Variants in RALYL observed in about 807,000 individuals in gnomAD.
The protein encoded by RALYL is RALY RNA binding protein like.
Under a neutral mutation model 35.1 loss-of-function variants are expected in RALYL, and 29 were observed. That is an observed-to-expected ratio of 0.83 (90% confidence interval 0.61 to 1.13). The LOEUF (loss-of-function observed/expected upper bound fraction) is 1.13, where lower values mean the gene tolerates loss of function less well. Among genes scored for constraint, RALYL ranks in the 50% most tolerant of loss-of-function variants. The pLI is 0.00. For missense variants in RALYL, 359 were observed against 360.4 expected (o/e 1.00, Z 0.03); for synonymous variants, 120 against 127.6 (o/e 0.94, Z 0.40).
At chr8:84,649,643 TCTGTTTTGGTACCAGTACCATG>T in intron 2 of RALYL, among the ~76,000 whole-genome samples, 1 of 152,218 alleles carries the variant, frequency 6.6e-6, no homozygotes, top group East Asian at 1.9e-4. Context: ...GATCTATATC[TCTGTTTTGGTACCAGTACCATG>T]CTGTTTTGGT....
intron 4 of RALYL, among the ~76,000 whole-genome samples, chr8:84,806,565 CA>C (rs534568702): frequency 0.032 from 3,090 of 95,492 alleles, 51 homozygotes; most frequent in Middle Eastern, 0.1. Flanking sequence ...AAAATCTCTC[CA>C]AAAAAAAAAA....
chr8:84,409,143 T>C (rs1011077958), intron 1 of RALYL, among the ~76,000 whole-genome samples: 3 of 152,250 alleles, frequency 2.0e-5, no homozygotes, highest in Admixed American at 1.3e-4. Context: ...TGCATAATCT[T>C]GCATAAACTA....
At chr8:84,354,789 A>C (rs1851517205) in intron 1 of RALYL, among the ~76,000 whole-genome samples, 1 of 150,070 alleles carries the variant, frequency 6.7e-6, no homozygotes, top group Non-Finnish European at 1.5e-5. Context: ...ATACTTTGGG[A>C]TTTTTATGTT....
chr8:84,234,372 T>G (rs2131472149), intron 1 of RALYL, among the ~76,000 whole-genome samples: 1 of 152,354 alleles, frequency 6.6e-6, no homozygotes, highest in East Asian at 1.9e-4. Context: ...AATGACATGC[T>G]TCTTTTTCAC....
chr8:84,653,630 C>T (rs1829303065), intron 2 of RALYL, among the ~76,000 whole-genome samples: 1 of 151,846 alleles, frequency 6.6e-6, no homozygotes, highest in Admixed American at 6.6e-5. Flanking sequence ...TAAATTTAAA[C>T]AGCAAAAGCC....
intron 1 of RALYL, among the ~76,000 whole-genome samples, chr8:84,363,325 TCAGAAA>T (rs1409613733): frequency 6.6e-6 from 1 of 152,174 alleles, no homozygotes; most frequent in African/African-American, 2.4e-5. Flanking sequence ...GACCCAGGAC[TCAGAAA>T]CAGAAGGGAG....
At chr8:84,260,814 G>C (rs1182765775) in intron 1 of RALYL, among the ~76,000 whole-genome samples, 3 of 152,048 alleles carry the variant, frequency 2.0e-5, no homozygotes, top group Non-Finnish European at 4.4e-5. Context: ...CATATGAATG[G>C]TGTTTCTCCT....
intron 2 of RALYL, among the ~76,000 whole-genome samples, chr8:84,723,178 G>A (rs1031056364): frequency 6.6e-6 from 1 of 151,982 alleles, no homozygotes; most frequent in Non-Finnish European, 1.5e-5. Flanking sequence ...CACCATGAAA[G>A]AACCGAAGAA....
At chr8:84,216,273 A>G (rs115229106) in intron 1 of RALYL, among the ~76,000 whole-genome samples, 5,096 of 152,140 alleles carry the variant, frequency 0.033, 287 homozygotes, top group African/African-American at 0.11. Context: ...AGGTTAACAG[A>G]AAAAAATGGA....
At chr8:84,888,396 A>G (rs1843258345) in intron 8 of RALYL, among the ~76,000 whole-genome samples, 1 of 152,166 alleles carries the variant, frequency 6.6e-6, no homozygotes, top group South Asian at 2.1e-4. Context: ...TAACCACATC[A>G]CGGACTTGGT....
chr8:84,388,272 T>C (rs1859718409), intron 1 of RALYL, among the ~76,000 whole-genome samples: 1 of 152,156 alleles, frequency 6.6e-6, no homozygotes, highest in African/African-American at 2.4e-5. Context: ...TTCCAAGTCT[T>C]TGCTATTGTG....
chr8:84,192,036 C>A (rs566884002), intron 1 of RALYL, among the ~76,000 whole-genome samples: 1 of 152,302 alleles, frequency 6.6e-6, no homozygotes, highest in South Asian at 2.1e-4. Context: ...TGCAAGTCAT[C>A]GTTTTAAGTG....
intron 2 of RALYL, among the ~76,000 whole-genome samples, chr8:84,768,183 G>A (rs1424009805): frequency 6.6e-6 from 1 of 152,132 alleles, no homozygotes; most frequent in Non-Finnish European, 1.5e-5. Flanking sequence ...AACCTCAGGA[G>A]ACTTCTCTGT....
intron 2 of RALYL, among the ~76,000 whole-genome samples, chr8:84,558,561 T>A (rs1180385695): frequency 6.6e-6 from 1 of 152,194 alleles, no homozygotes; most frequent in Non-Finnish European, 1.5e-5. Context: ...TTCTGTTAGC[T>A]GAACTCACTT....
intron 3 of RALYL, among the ~76,000 whole-genome samples, chr8:84,804,409 TACAACA>T (rs1300880167): frequency 6.6e-6 from 1 of 152,300 alleles, no homozygotes; most frequent in African/African-American, 2.4e-5. Context: ...ATTTCACTAT[TACAACA>T]ACCACAAATA....
chr8:84,886,831 T>C (rs1217626524), intron 7 of RALYL, among the ~76,000 whole-genome samples: 1 of 152,222 alleles, frequency 6.6e-6, no homozygotes, highest in Non-Finnish European at 1.5e-5. Context: ...CAAGTCTCTA[T>C]ACTAACACTT....
chr8:84,761,964 C>T (rs1366480778), intron 2 of RALYL, among the ~76,000 whole-genome samples: 5 of 151,858 alleles, frequency 3.3e-5, no homozygotes, highest in Non-Finnish European at 5.9e-5. Context: ...GACACTTGAG[C>T]AAAGATTTGG....
intron 2 of RALYL, among the ~76,000 whole-genome samples, chr8:84,689,885 AG>A (rs1837661043): frequency 6.6e-6 from 1 of 152,168 alleles, no homozygotes; most frequent in Non-Finnish European, 1.5e-5. Flanking sequence ...AAAAGACAAA[AG>A]ATAGCAAGTG....
At chr8:84,690,699 G>A (rs915358379) in intron 2 of RALYL, among the ~76,000 whole-genome samples, 8 of 151,726 alleles carry the variant, frequency 5.3e-5, no homozygotes, top group Non-Finnish European at 1.0e-4. Context: ...TAAGGTAAAG[G>A]AACTATTGTT....
Sources: gnomAD v4.1 joint callset for allele counts (sites outside exome capture counted in the v4.1 genomes callset) on GRCh38, gnomAD v4.1.1 for gene constraint, MANE v1.5 for transcripts, NCBI Gene and HGNC (gene_info 2026-07-23, HGNC 2026-07-21) for gene names.